Variants in CYP19A1 observed in about 807,000 individuals in gnomAD.
CYP19A1 encodes the protein cytochrome P450 family 19 subfamily A member 1.
A neutral mutation model predicts 44.4 loss-of-function variants in CYP19A1; 32 were observed. The ratio of observed to expected loss-of-function variants is 0.72; its 90% CI spans 0.54 to 0.97. CYP19A1 has a LOEUF of 0.97. Ranked by LOEUF, CYP19A1 falls within the 50% of genes least tolerant of loss-of-function variation. The pLI is 0.00. For missense variants in CYP19A1, 598 were observed against 637.8 expected (o/e 0.94, Z 0.67); for synonymous variants, 212 against 215.6 (o/e 0.98, Z 0.14).
intron 1 of CYP19A1, among the ~76,000 whole-genome samples, chr15:51,251,200 G>A (rs2034294415): frequency 6.6e-6 from 1 of 152,204 alleles, no homozygotes; most frequent in Non-Finnish European, 1.5e-5. Flanking sequence ...TAAGGTCTCT[G>A]TGGCACATGG....
chr15:51,226,309 G>A (rs2032574537), intron 4 of CYP19A1, among the ~76,000 whole-genome samples: 1 of 152,134 alleles, frequency 6.6e-6, no homozygotes, highest in Non-Finnish European at 1.5e-5. Context: ...CTCTCCTAGA[G>A]CCCCCAGAAA....
intron 1 of CYP19A1, among the ~76,000 whole-genome samples, chr15:51,252,729 A>G (rs530518798): frequency 1.3e-5 from 2 of 152,164 alleles, no homozygotes; most frequent in Non-Finnish European, 2.9e-5. Flanking sequence ...GCGCCTGTGG[A>G]GGCCACTGTC....
intron 1 of CYP19A1, among the ~76,000 whole-genome samples, chr15:51,291,165 G>A (rs2035836267): frequency 6.6e-6 from 1 of 152,192 alleles, no homozygotes; most frequent in African/African-American, 2.4e-5. Flanking sequence ...GAGAGTGGGG[G>A]CACTGGCAGT....
At chr15:51,231,209 A>G (rs1299370109) in intron 3 of CYP19A1, among the ~76,000 whole-genome samples, 1 of 152,200 alleles carries the variant, frequency 6.6e-6, no homozygotes, top group Non-Finnish European at 1.5e-5. Context: ...TGCAACCTTA[A>G]TCTAATTGAG....
In CYP19A1 at chr15:51,231,662, C is replaced by T. The variant is rs532973028; in HGVS notation, c.297-3729G>A. ...GCGCATGTGTGTACGTTAGCGCACACGTGCCTGCTGTCAGGTCTCGGTTAA... is the reference window on the plus strand; with the variant it reads ...GCGCATGTGTGTACGTTAGCGCACATGTGCCTGCTGTCAGGTCTCGGTTAA... On this transcript the variant is annotated intron_variant, in intron 3 of 9. Coordinates refer to ENST00000396402, the MANE Select transcript of CYP19A1 (RefSeq NM_000103.4). Among the ~76,000 whole-genome samples the T allele has an allele frequency of 3.8e-4, 58 of 151,960 alleles. 1 individual carries two copies. Among genetic ancestry groups the T allele is most frequent in the African/African-American group, 1.3e-3 (54 of 41,472 alleles).
chr15:51,280,345 C>G (rs916176862), intron 1 of CYP19A1, among the ~76,000 whole-genome samples: 4 of 151,948 alleles, frequency 2.6e-5, no homozygotes, highest in East Asian at 1.9e-4. Context: ...TGATCCACCC[C>G]CCTTGGCCTC....
At chr15:51,290,544 T>C (rs1361712172) in intron 1 of CYP19A1, among the ~76,000 whole-genome samples, 1 of 152,204 alleles carries the variant, frequency 6.6e-6, no homozygotes, top group Admixed American at 6.5e-5. Flanking sequence ...AAAATTCCAA[T>C]TGGCCAGGTG....
intron 1 of CYP19A1, among the ~76,000 whole-genome samples, chr15:51,265,533 C>T (rs539890508): frequency 1.3e-5 from 2 of 152,178 alleles, no homozygotes; most frequent in South Asian, 4.2e-4. Context: ...CTGTGGGAAC[C>T]CAGGCAAAAG....
intron 8 of CYP19A1, among the ~76,000 whole-genome samples, chr15:51,213,693 A>G (rs1406854309): frequency 6.6e-6 from 1 of 152,200 alleles, no homozygotes; most frequent in African/African-American, 2.4e-5. Context: ...TGTCAGGGGA[A>G]CATTAACATG....
intron 1 of CYP19A1, among the ~76,000 whole-genome samples, chr15:51,316,957 G>A (rs1304308596): frequency 6.6e-6 from 1 of 152,104 alleles, no homozygotes; most frequent in Non-Finnish European, 1.5e-5. Context: ...TGAAACCCAG[G>A]CAGCCATATG....
At chr15:51,233,084 T>C (rs2033150167) in intron 3 of CYP19A1, among the ~76,000 whole-genome samples, 1 of 152,238 alleles carries the variant, frequency 6.6e-6, no homozygotes, top group Admixed American at 6.5e-5. Context: ...ATGGGCTACT[T>C]GCTCATTTCC....
At chr15:51,224,810 G>T (rs1441274800) in intron 4 of CYP19A1, among the ~76,000 whole-genome samples, 1 of 152,140 alleles carries the variant, frequency 6.6e-6, no homozygotes, top group East Asian at 1.9e-4. Context: ...TGGTGATCTG[G>T]CCCTGCCCTC....
At chr15:51,330,588 A>G (rs572764109) in intron 1 of CYP19A1, among the ~76,000 whole-genome samples, 1 of 152,192 alleles carries the variant, frequency 6.6e-6, no homozygotes, top group Non-Finnish European at 1.5e-5. Context: ...GGGTTTGGGT[A>G]TGTGGTGGTC....
chr15:51,270,122 T>C (rs1427675777), intron 1 of CYP19A1, among the ~76,000 whole-genome samples: 13 of 152,226 alleles, frequency 8.5e-5, no homozygotes, highest in South Asian at 6.2e-4. Context: ...AGTAATGTTT[T>C]GTAATTTCTG....
intron 1 of CYP19A1, chr15:51,315,947 A>T (rs1595780786): frequency 6.6e-6 from 1 of 152,160 alleles, no homozygotes; most frequent in African/African-American, 2.4e-5. Context: ...GGGTTAGGAG[A>T]TGCACAGAAT....
At chr15:51,295,694 C>T (rs868866043) in intron 1 of CYP19A1, among the ~76,000 whole-genome samples, 2 of 152,178 alleles carry the variant, frequency 1.3e-5, no homozygotes, top group African/African-American at 4.8e-5. Context: ...AGATGTGGGA[C>T]AGCACTGAAG....
intron 4 of CYP19A1, among the ~76,000 whole-genome samples, chr15:51,225,505 C>T (rs553775429): frequency 1.1e-4 from 17 of 152,246 alleles, no homozygotes; most frequent in African/African-American, 3.1e-4. Context: ...CTCAGAAAGG[C>T]GAAGTGACTT....
At chr15:51,327,239 G>C (rs965004435) in intron 1 of CYP19A1, among the ~76,000 whole-genome samples, 5 of 152,178 alleles carry the variant, frequency 3.3e-5, no homozygotes, top group Non-Finnish European at 2.9e-5. Flanking sequence ...GATCTCTCCT[G>C]TTTGTGTTCA....
intron 1 of CYP19A1, among the ~76,000 whole-genome samples, chr15:51,271,420 C>G (rs1416525744): frequency 6.6e-6 from 1 of 152,224 alleles, no homozygotes. Context: ...GTTCCCCTGT[C>G]TTCCTGTACT....
Sources: gnomAD v4.1 joint callset for allele counts (sites outside exome capture counted in the v4.1 genomes callset) on GRCh38, gnomAD v4.1.1 for gene constraint, MANE v1.5 for transcripts, NCBI Gene and HGNC (gene_info 2026-07-23, HGNC 2026-07-21) for gene names.